The following UQCRB variants were observed in gnomAD, a reference collection of about 807,000 sequenced individuals.
UQCRB encodes cytochrome b-c1 complex subunit 7.
Under a neutral mutation model 19.8 loss-of-function variants are expected in UQCRB, and 12 were observed. The ratio of observed to expected loss-of-function variants is 0.61; its 90% CI spans 0.39 to 0.98. The LOEUF (loss-of-function observed/expected upper bound fraction) is 0.98. Ranked by LOEUF, UQCRB falls within the 50% of genes least tolerant of loss-of-function variation. The pLI, the probability that UQCRB is intolerant of heterozygous loss-of-function variation, is 0.00. For synonymous variants in UQCRB, 39 were observed against 42.9 expected, an observed-to-expected ratio of 0.91 and a Z score of 0.35; for missense variants, 142 against 131.8, an observed-to-expected ratio of 1.08 and a Z score of -0.38.
rs1395045037 is a variant in UQCRB at position 96,223,391 on chromosome 8, A to G, written c.*7664T>C. Among the ~76,000 whole-genome samples, 1 of 152,220 alleles carries G rather than the reference A, an allele frequency of 6.6e-6. No individual in the cohort carries two copies. Among genetic ancestry groups the G allele is most frequent in the Non-Finnish European group, 1.5e-5 (1 of 68,038 alleles). ...TGTGATCTTGTACCCGTTACCTAAC[A>G]TGTCTGAGCCTCTATGAAAAGAGGA... On this transcript the variant is annotated 3_prime_UTR_variant, in exon 4 of 4. Transcript: ENST00000287022.
intron 3 of UQCRB, chr8:96,231,401 T>C: frequency 6.5e-7 from 1 of 1,537,720 alleles, no homozygotes; most frequent in Admixed American, 2.0e-5. Context: ...TCAATGCAGT[T>C]CAAGGGGTGA....
At chr8:96,231,268 A>C in intron 3 of UQCRB, 136 bp from the exon 4 acceptor site, 1 of 1,575,774 alleles carries the variant, frequency 6.3e-7, no homozygotes, top group Non-Finnish European at 8.6e-7. Context: ...CAACCTAAGA[A>C]CTATCTGCTT....
chr8:96,228,008 A>G lies in UQCRB; in HGVS notation c.*3047T>C, dbSNP rs1264076019. 10 of 454,042 alleles carry G rather than the reference A, an allele frequency of 2.2e-5. No homozygotes were observed. The highest frequency in any genetic ancestry group is 4.0e-5 in the Non-Finnish European group (9 of 226,812). The allele number at this position is 454,042 out of a possible 1,614,324, so 28.1% of individuals were successfully genotyped here. On this transcript the variant is annotated 3_prime_UTR_variant, in exon 4 of 4. Coordinates refer to ENST00000287022, the MANE Select transcript of UQCRB (RefSeq NM_006294.5). ...AAATATTTCCATGCAATCTGGAACT[A>G]GGACCACAGCTGGCAATTGGGGGTC...
chr8:96,233,292 A>G lies in UQCRB; in HGVS notation c.20-65T>C, dbSNP rs1400775313. On this transcript the variant is annotated intron_variant, in intron 1 of 3. Coordinates refer to ENST00000287022, the MANE Select transcript of UQCRB (RefSeq NM_006294.5). ...TACTATATGAACACATTGATAGGCA[A>G]GCAACCAGTACTCAGTTATCTTGCT... is the stretch of plus-strand genomic sequence containing the variant. 1.2e-5 allele frequency: 17 copies of G among 1,456,428 alleles called. No individual in the cohort carries two copies. The Admixed American group carries it at 2.7e-4, about 23-fold the overall frequency. The allele number at this position is 1,456,428 out of a possible 1,614,324, so 90.2% of individuals were successfully genotyped here. A position where few individuals can be genotyped will look rare whatever the true frequency, so the allele number is the denominator to read the frequency against.
rs1473656191 is a variant in UQCRB, at chr8:96,228,823, T to C, written c.*2232A>G. 6.6e-6 allele frequency: 3 copies of C among 454,080 alleles called. No homozygotes were observed. The highest frequency in any genetic ancestry group is 4.7e-5 in the South Asian group (3 of 64,474). 28.1% of individuals were successfully genotyped at this position (454,080 alleles called of 1,614,324 possible). A position where few individuals can be genotyped will look rare whatever the true frequency, so the allele number is the denominator to read the frequency against. On this transcript the variant is annotated 3_prime_UTR_variant, in exon 4 of 4. Transcript: ENST00000287022. Reference sequence around the variant, plus strand: ...AATTAGCTCTGAATCACTCTACCATTCGGTCTACAGGACAATGTAGACCAG... The same window carrying C: ...AATTAGCTCTGAATCACTCTACCATCCGGTCTACAGGACAATGTAGACCAG...
intron 3 of UQCRB, chr8:96,231,527 C>G (rs1303376467): frequency 5.3e-6 from 8 of 1,514,434 alleles, no homozygotes; most frequent in Non-Finnish European, 7.1e-6. Context: ...TGGGAGGCAA[C>G]AGACCTGGAT....
Position 96,235,501 on chromosome 8 carries a change from C to A in UQCRB, c.19+11G>T. 6.2e-7 allele frequency: 1 copy of A among 1,614,228 alleles called. No homozygotes were observed. The highest frequency in any genetic ancestry group is 1.1e-5 in the South Asian group (1 of 91,090). Reference sequence around the variant, plus strand: ...CGACGATGCCGGCCAAGAAGACCCCCAGTTACTTACCGGCCTGCTTACCAG... The same window carrying A: ...CGACGATGCCGGCCAAGAAGACCCCAAGTTACTTACCGGCCTGCTTACCAG... On this transcript the variant is annotated intron_variant, in intron 1 of 3. Transcript: ENST00000287022.
chr8:96,235,456 C>T, intron 1 of UQCRB, 56 bp downstream of exon 1: 1 of 1,613,886 alleles, frequency 6.2e-7, no homozygotes, highest in Admixed American at 1.7e-5. Flanking sequence ...CAAGCTGCAG[C>T]AAAAATAAAC....
At chr8:96,233,074 A>C in intron 2 of UQCRB, 82 bp downstream of exon 2, 1 of 1,366,582 alleles carries the variant, frequency 7.3e-7, no homozygotes. Context: ...ACACTTGCAA[A>C]AGCAATACTC....
In UQCRB at chr8:96,229,801, T is replaced by A. The variant is rs1329424668; in HGVS notation, c.*1254A>T. 2.2e-6 allele frequency: 1 copy of A among 453,484 alleles called. No individual in the cohort carries two copies. The highest frequency in any genetic ancestry group is 4.4e-6 in the Non-Finnish European group (1 of 226,678). 28.1% of individuals were successfully genotyped at this position (453,484 alleles called of 1,614,324 possible). The stretch of plus-strand genomic sequence containing the variant: ...AGCGGGGGAGGGGGTTCCTAGAGAA[T>A]TTAAGAGGCTAATATTTTAGCAAAA... On this transcript the variant is annotated 3_prime_UTR_variant, in exon 4 of 4. Transcript: ENST00000287022.
chr8:96,226,963 GA>G lies in UQCRB; in HGVS notation c.*4091del. The G allele has an allele frequency of 6.6e-6, 3 of 453,972 alleles. No individual in the cohort carries two copies. Among genetic ancestry groups the G allele is most frequent in the Non-Finnish European group, 8.8e-6 (2 of 226,760 alleles). The allele number at this position is 453,972 out of a possible 1,614,324, so 28.1% of individuals were successfully genotyped here. On this transcript the variant is annotated 3_prime_UTR_variant, in exon 4 of 4. Coordinates refer to ENST00000287022, the MANE Select transcript of UQCRB (RefSeq NM_006294.5). Reference sequence around the variant, plus strand: ...AAATTTCTTAGCAAAATATAACTTAGAGGCACTATCCGACCTGAGATCTCAG... The same window carrying G: ...AAATTTCTTAGCAAAATATAACTTAGGGCACTATCCGACCTGAGATCTCAG...
Position 96,229,761 on chromosome 8 carries a change from G to A in UQCRB, c.*1294C>T, listed in dbSNP as rs757735321. 3.8e-5 allele frequency: 17 copies of A among 447,850 alleles called. No individual in the cohort carries two copies. The highest frequency in any genetic ancestry group is 9.4e-5 in the South Asian group (6 of 63,602). The allele number at this position is 447,850 out of a possible 1,614,324, so 27.7% of individuals were successfully genotyped here. A position where few individuals can be genotyped will look rare whatever the true frequency, so the allele number is the denominator to read the frequency against. Reference sequence around the variant, plus strand: ...TAGGTTTAGAAAAATAACGACCAGCGAAAGGAAAAAAAAAAGCGGGGGAGG... The same window carrying A: ...TAGGTTTAGAAAAATAACGACCAGCAAAAGGAAAAAAAAAAGCGGGGGAGG... On this transcript the variant is annotated 3_prime_UTR_variant, in exon 4 of 4. Transcript: ENST00000287022.
Position 96,226,646 on chromosome 8 carries a change from G to A in UQCRB, c.*4409C>T. ...GTATACAATTTTCTTAAAATATTTA[G>A]AATACTAACAGAACAATTATTCAAC... On this transcript the variant is annotated 3_prime_UTR_variant, in exon 4 of 4. Transcript: ENST00000287022. The A allele has an allele frequency of 3.3e-6, 1 of 298,558 alleles. No individual in the cohort carries two copies. Among genetic ancestry groups the A allele is most frequent in the South Asian group, 3.0e-5 (1 of 32,892 alleles). 18.5% of individuals were successfully genotyped at this position (298,558 alleles called of 1,614,324 possible).
In UQCRB at chr8:96,231,925, T is replaced by C; in HGVS notation, c.107A>G (p.Asp36Gly). Residue 36 changes from aspartate (D) to glycine (G), a missense_variant, in exon 3 of 4, where the codon GAT (aspartate) becomes GGT (glycine). Physicochemically the swap from Asp to Gly is moderately conservative, Grantham distance 94 (BLOSUM62 -1). Transcript: ENST00000287022. ...TACATCTTCATCCTCGTATATTGTA[T>C]CATCTCGCATTAACCCTATGATAGA... is the stretch of plus-strand genomic sequence containing the variant. ...GFNKLGLMRD[D>G]TIYEDEDVKE... is the part of the protein sequence containing the mutation. 2 of 1,613,444 alleles carry C rather than the reference T, an allele frequency of 1.2e-6. No individual in the cohort carries two copies. Among genetic ancestry groups the C allele is most frequent in the South Asian group, 1.1e-5 (1 of 91,084 alleles).
Position 96,227,369 on chromosome 8 carries a change from T to C in UQCRB, c.*3686A>G, listed in dbSNP as rs1015579129. 4.4e-6 allele frequency: 2 copies of C among 454,008 alleles called. No individual in the cohort carries two copies. The highest frequency in any genetic ancestry group is 2.0e-5 in the African/African-American group (1 of 49,998). 28.1% of individuals were successfully genotyped at this position (454,008 alleles called of 1,614,324 possible). A position where few individuals can be genotyped will look rare whatever the true frequency, so the allele number is the denominator to read the frequency against. On this transcript the variant is annotated 3_prime_UTR_variant, in exon 4 of 4. Coordinates refer to ENST00000287022, the MANE Select transcript of UQCRB (RefSeq NM_006294.5). ...CGCAGAATGGAGAAATCTTCCATAGTGCTCGTGTGATGTACACTAAGTTGT... is the reference window on the plus strand; with the variant it reads ...CGCAGAATGGAGAAATCTTCCATAGCGCTCGTGTGATGTACACTAAGTTGT...
Position 96,235,511 on chromosome 8 carries a change from C to A in UQCRB, c.19+1G>T. On this transcript the variant is annotated splice_donor_variant, in intron 1 of 3. Coordinates refer to ENST00000287022, the MANE Select transcript of UQCRB (RefSeq NM_006294.5). LOFTEE classifies it high-confidence loss of function. ...GGCCAAGAAGACCCCCAGTTACTTA[C>A]CGGCCTGCTTACCAGCCATTTTGAC... 1 of 1,614,230 alleles carries A rather than the reference C, an allele frequency of 6.2e-7. No individual in the cohort carries two copies. Among genetic ancestry groups the A allele is most frequent in the Middle Eastern group, 1.6e-4 (1 of 6,062 alleles).
rs1054089470 is a variant in UQCRB, at chr8:96,230,149, C to T, written c.*906G>A. ...GAAGTGCAGTGGTGTGATCTAGGCT[C>T]ACTGCAACCTCCACCTCCTGGGGTC... On this transcript the variant is annotated 3_prime_UTR_variant, in exon 4 of 4. Coordinates refer to ENST00000287022, the MANE Select transcript of UQCRB (RefSeq NM_006294.5). The T allele has an allele frequency of 4.4e-6, 2 of 453,846 alleles. No homozygotes were observed. Among genetic ancestry groups the T allele is most frequent in the East Asian group, 7.0e-5 (1 of 14,386 alleles). The allele number at this position is 453,846 out of a possible 1,614,324, so 28.1% of individuals were successfully genotyped here.
In UQCRB at chr8:96,229,867, T is replaced by C; in HGVS notation, c.*1188A>G. 2 of 453,684 alleles carry C rather than the reference T, an allele frequency of 4.4e-6. No homozygotes were observed. The highest frequency in any genetic ancestry group is 1.6e-5 in the South Asian group (1 of 64,432). 28.1% of individuals were successfully genotyped at this position (453,684 alleles called of 1,614,324 possible). ...TTATGATACACACATTTCTCATTGC[T>C]TTACAAACTTTAAATGTAACACAAA... is the stretch of plus-strand genomic sequence containing the variant. On this transcript the variant is annotated 3_prime_UTR_variant, in exon 4 of 4. Transcript: ENST00000287022.
chr8:96,229,254 G>C lies in UQCRB; in HGVS notation c.*1801C>G, dbSNP rs1371605693. On this transcript the variant is annotated 3_prime_UTR_variant, in exon 4 of 4. Transcript: ENST00000287022. ...TACCACACTTTACCTTGAGCAGGTG[G>C]ATAGCCTGGGGGTTCCTGTTATACC... is the stretch of plus-strand genomic sequence containing the variant. The C allele has an allele frequency of 1.1e-5, 5 of 454,012 alleles. No homozygotes were observed. The highest frequency in any genetic ancestry group is 1.8e-5 in the Non-Finnish European group (4 of 226,804). The allele number at this position is 454,012 out of a possible 1,614,324, so 28.1% of individuals were successfully genotyped here.
Sources: allele counts gnomAD v4.1 joint callset (sites outside exome capture counted in the v4.1 genomes callset), GRCh38; gene constraint gnomAD v4.1.1; transcripts MANE v1.5; gene names NCBI Gene and HGNC (gene_info 2026-07-23, HGNC 2026-07-21).